RANBP2: variants seen among roughly 807,000 people sequenced by gnomAD.
RANBP2 encodes E3 SUMO-protein ligase RanBP2.
In RANBP2, 57 loss-of-function variants were observed where a neutral mutation model predicts 303.6. That is an observed-to-expected ratio of 0.19 (90% CI 0.15 to 0.23). The LOEUF (loss-of-function observed/expected upper bound fraction) is 0.23, where lower values mean the gene tolerates loss of function less well. Among genes scored for constraint, RANBP2 ranks in the 10% least tolerant of loss-of-function variants. RANBP2 has a pLI of 1.00. For synonymous variants in RANBP2, 1,167 were observed against 1,301.5 expected (o/e 0.90, Z 2.23); for missense variants, 3,138 against 3,780.8 (o/e 0.83, Z 4.46).
At chr2:109,044,322 C>T in the RANBP2 span, among the ~76,000 whole-genome samples, 4 of 151,874 alleles carry the variant, frequency 2.6e-5, no homozygotes, top group Non-Finnish European at 5.9e-5. Flanking sequence ...AGATTGAGAC[C>T]GTCCTGGCCA....
the RANBP2 span, among the ~76,000 whole-genome samples, chr2:108,831,099 C>T: frequency 2.0e-5 from 3 of 151,944 alleles, no homozygotes; most frequent in Admixed American, 6.5e-5. Flanking sequence ...CGCTTAAACC[C>T]CGGAGGCAGA....
chr2:109,680,033 AAAAAATAAAAAT>A, the RANBP2 span, among the ~76,000 whole-genome samples: 1 of 151,996 alleles, frequency 6.6e-6, no homozygotes, highest in South Asian at 2.1e-4. Flanking sequence ...ACCTAGAGAG[AAAAAATAAAAAT>A]AAAAATAAAA....
chr2:108,970,163 T>C, the RANBP2 span, among the ~76,000 whole-genome samples: 1 of 152,248 alleles, frequency 6.6e-6, no homozygotes, highest in Admixed American at 6.5e-5. Flanking sequence ...GAGCATCGCC[T>C]GGGAGCTCCT....
intron 1 of RANBP2, among the ~76,000 whole-genome samples, chr2:108,726,543 T>C (rs1231068365): frequency 1.3e-5 from 2 of 151,922 alleles, no homozygotes; most frequent in Non-Finnish European, 2.9e-5. Context: ...TGATGAGGGC[T>C]TTCTTCCTGG....
At chr2:109,393,163 G>A in the RANBP2 span, among the ~76,000 whole-genome samples, 1 of 152,192 alleles carries the variant, frequency 6.6e-6, no homozygotes, top group Non-Finnish European at 1.5e-5. Context: ...GAAGCTTTAA[G>A]GCCAGCAACC....
Position 108,748,567 on chromosome 2 carries a change from G to C in RANBP2, c.1064-353G>C, listed in dbSNP as rs1400083954. 5.3e-5 allele frequency among the ~76,000 whole-genome samples: 8 copies of C among 152,070 alleles called. No homozygotes were observed. The East Asian group carries it at 1.5e-3, about 29-fold the overall frequency. On this transcript the variant is annotated intron_variant, in intron 8 of 28. Transcript: ENST00000283195. ...TTTAAAGGAGGATTCTGATCAGCCA[G>C]GTTCAGAAATCAGTGTATCAGATCA... is the stretch of plus-strand genomic sequence containing the variant.
At chr2:109,596,360 G>T in the RANBP2 span, among the ~76,000 whole-genome samples, 1 of 152,148 alleles carries the variant, frequency 6.6e-6, no homozygotes, top group Non-Finnish European at 1.5e-5. Context: ...GCTCACGCCT[G>T]TAATTCCAGC....
the RANBP2 span, among the ~76,000 whole-genome samples, chr2:109,532,260 C>G: frequency 1.3e-5 from 2 of 152,244 alleles, no homozygotes; most frequent in African/African-American, 4.8e-5. Flanking sequence ...CAATTACAGA[C>G]TCGGTCACTA....
the RANBP2 span, among the ~76,000 whole-genome samples, chr2:109,282,475 A>G: frequency 1.3e-5 from 2 of 152,272 alleles, no homozygotes; most frequent in Non-Finnish European, 2.9e-5. Flanking sequence ...CACTGCAGGA[A>G]GGCCCGAGGG....
chr2:108,976,508 G>A, the RANBP2 span, among the ~76,000 whole-genome samples: 12 of 152,268 alleles, frequency 7.9e-5, no homozygotes, highest in African/African-American at 2.9e-4. Flanking sequence ...GAAGTCTCCA[G>A]GCGGAGCGCA....
the RANBP2 span, chr2:108,923,488 T>C: frequency 6.3e-7 from 1 of 1,597,062 alleles, no homozygotes. Flanking sequence ...CAGAGACAGG[T>C]GAGCTGGACA....
the RANBP2 span, among the ~76,000 whole-genome samples, chr2:109,434,166 T>A: frequency 2.7e-4 from 41 of 152,322 alleles, no homozygotes; most frequent in African/African-American, 9.9e-4. Context: ...GTTAGGGGAC[T>A]CCCTGACCAG....
chr2:108,753,961 T>C lies in RANBP2; in HGVS notation c.2192T>C (p.Val731Ala). 2.5e-6 allele frequency: 4 copies of C among 1,611,916 alleles called. No homozygotes were observed. Among genetic ancestry groups the C allele is most frequent in the Non-Finnish European group, 3.4e-6 (4 of 1,179,828 alleles). ...GATGACAGTGATTCAAATCTTTCAG[T>C]GGTCAAGAAAGTAAGTAGCAGGTTG... ...IIDDSDSNLS[V>A]VKKLPVPLES... The change falls in exon 15 of 29, where the codon GTG becomes GCG. Residue 731 changes from valine (V) to alanine (A), a missense_variant. Transcript: ENST00000283195.
At chr2:109,045,669 G>A in the RANBP2 span, among the ~76,000 whole-genome samples, 1 of 152,138 alleles carries the variant, frequency 6.6e-6, no homozygotes, top group Non-Finnish European at 1.5e-5. Flanking sequence ...GCTTGGCCTG[G>A]TGACCCAGTG....
At chr2:109,073,648 A>G in the RANBP2 span, among the ~76,000 whole-genome samples, 1 of 150,128 alleles carries the variant, frequency 6.7e-6, no homozygotes, top group African/African-American at 2.4e-5. Context: ...AGGCCTGGGC[A>G]ACAGAGCGAG....
the RANBP2 span, among the ~76,000 whole-genome samples, chr2:109,248,754 TTCTCTC>T: frequency 6.6e-6 from 1 of 151,408 alleles, no homozygotes; most frequent in Non-Finnish European, 1.5e-5. Context: ...CTTTCCTTCC[TTCTCTC>T]TCTCTCTCTT....
chr2:109,375,592 G>A, the RANBP2 span, among the ~76,000 whole-genome samples: 1 of 152,258 alleles, frequency 6.6e-6, no homozygotes, highest in Non-Finnish European at 1.5e-5. Context: ...GTTCTAAGGG[G>A]AGTGAGGATG....
At chr2:109,698,888 G>T in the RANBP2 span, among the ~76,000 whole-genome samples, 1 of 152,276 alleles carries the variant, frequency 6.6e-6, no homozygotes, top group Admixed American at 6.5e-5. Context: ...AGCCAAGATT[G>T]CGCCAGCCTG....
At chr2:109,522,321 C>T in the RANBP2 span, among the ~76,000 whole-genome samples, 2 of 149,558 alleles carry the variant, frequency 1.3e-5, no homozygotes, top group Non-Finnish European at 3.0e-5. Flanking sequence ...GACGAAGTCT[C>T]GCTCTTGTCC....
Sources: gnomAD v4.1 joint callset for allele counts (sites outside exome capture counted in the v4.1 genomes callset) on GRCh38, gnomAD v4.1.1 for gene constraint, MANE v1.5 for transcripts, NCBI Gene and HGNC (gene_info 2026-07-23, HGNC 2026-07-21) for gene names.